Variants in CES1 observed in about 807,000 individuals in gnomAD.
CES1 encodes liver carboxylesterase 1.
Under a neutral mutation model 53.0 loss-of-function variants are expected in CES1, and 50 were observed. The observed-to-expected ratio is 0.94, with a 90% CI of 0.75 to 1.19. The LOEUF is 1.19. Ranked by LOEUF, CES1 falls within the 50% of genes most tolerant of loss-of-function variation. CES1 has a pLI of 0.00. For missense variants in CES1, 534 were observed against 538.0 expected, an observed-to-expected ratio of 0.99 and a Z score of 0.07; for synonymous variants, 202 against 210.1, an observed-to-expected ratio of 0.96 and a Z score of 0.33.
intron 2 of CES1, among the ~76,000 whole-genome samples, chr16:55,828,362 G>A (rs1178098124): frequency 6.6e-6 from 1 of 152,172 alleles, no homozygotes; most frequent in Non-Finnish European, 1.5e-5. Flanking sequence ...CAAGACAGCA[G>A]AATTCATGGG....
chr16:55,830,966 T>C (rs2032641378), intron 1 of CES1, among the ~76,000 whole-genome samples: 1 of 151,938 alleles, frequency 6.6e-6, no homozygotes, highest in Non-Finnish European at 1.5e-5. Context: ...TAATGCTGGA[T>C]CCCTGTTTAC....
chr16:55,820,048 C>T, intron 6 of CES1: 1 of 569,220 alleles, frequency 1.8e-6, no homozygotes, highest in East Asian at 3.0e-5. Context: ...CAACATGGCA[C>T]CAGGCCCTGG....
intron 7 of CES1, among the ~76,000 whole-genome samples, chr16:55,817,957 G>T (rs1453306249): frequency 6.6e-6 from 1 of 152,178 alleles, no homozygotes; most frequent in East Asian, 1.9e-4. Flanking sequence ...TGGAATATTT[G>T]CCTCCTTCCG....
At chr16:55,813,240 C>G (rs568257929) in intron 8 of CES1, among the ~76,000 whole-genome samples, 197 bp from the exon 9 acceptor site, 13 of 152,308 alleles carry the variant, frequency 8.5e-5, no homozygotes, top group African/African-American at 2.6e-4. Flanking sequence ...GCTGACACTG[C>G]TCAGGTGATG....
chr16:55,816,400 A>G (rs1470541132), intron 8 of CES1, among the ~76,000 whole-genome samples: 1 of 152,254 alleles, frequency 6.6e-6, no homozygotes, highest in Non-Finnish European at 1.5e-5. Flanking sequence ...CAGAGAGGAC[A>G]GGATTGTAAG....
chr16:55,819,846 T>C (rs578066323), intron 6 of CES1, among the ~76,000 whole-genome samples: 1 of 152,316 alleles, frequency 6.6e-6, no homozygotes, highest in East Asian at 1.9e-4. Context: ...AATTATGTAA[T>C]CTCTCATCTC....
intron 1 of CES1, among the ~76,000 whole-genome samples, chr16:55,830,129 A>G (rs1206678343): frequency 6.6e-6 from 1 of 152,254 alleles, no homozygotes; most frequent in Non-Finnish European, 1.5e-5. Flanking sequence ...AGAGCAGAAC[A>G]GAACAATTCA....
chr16:55,831,702 C>G (rs2032682545), intron 1 of CES1, among the ~76,000 whole-genome samples: 1 of 145,136 alleles, frequency 6.9e-6, no homozygotes, highest in Non-Finnish European at 1.5e-5. Flanking sequence ...TAGGCTTCCT[C>G]TCTTCTCTGC....
At chr16:55,820,575 A>C in intron 5 of CES1, 96 bp from the exon 6 acceptor site, 10 of 1,590,138 alleles carry the variant, frequency 6.3e-6, no homozygotes, top group Non-Finnish European at 7.7e-6. Flanking sequence ...CTATAAAACC[A>C]ACACGGGACT....
intron 1 of CES1, among the ~76,000 whole-genome samples, chr16:55,831,628 C>T (rs868716066): frequency 1.7e-4 from 26 of 150,028 alleles, no homozygotes; most frequent in Non-Finnish European, 2.5e-4. Context: ...TATGGTCTTC[C>T]TAAGGAAGGA....
rs1481423430 is a variant in CES1, at chr16:55,826,403, AG to A, written c.261-109del. Reference sequence around the variant, plus strand: ...GTTTAAGCCTGGAAATGGACTTGATAGTTACAGACTCACGACATTGTAGTGG... The same window carrying A: ...GTTTAAGCCTGGAAATGGACTTGATATTACAGACTCACGACATTGTAGTGG... On this transcript the variant is annotated intron_variant, in intron 2 of 13. Coordinates refer to ENST00000360526, the MANE Select transcript of CES1 (RefSeq NM_001025195.2). 2.2e-6 allele frequency: 3 copies of A among 1,350,282 alleles called. No individual in the cohort carries two copies. In the African/African-American group the frequency reaches 4.4e-5, roughly 20 times the overall value. The allele number at this position is 1,350,282 out of a possible 1,614,324, so 83.6% of individuals were successfully genotyped here.
intron 3 of CES1, among the ~76,000 whole-genome samples, chr16:55,824,999 T>C (rs2032361067): frequency 6.6e-6 from 1 of 152,178 alleles, no homozygotes; most frequent in Non-Finnish European, 1.5e-5. Flanking sequence ...TTCATCTTTG[T>C]GTGAAGACTG....
At chr16:55,827,129 A>AC (rs2032449441) in intron 2 of CES1, among the ~76,000 whole-genome samples, 1 of 152,032 alleles carries the variant, frequency 6.6e-6, no homozygotes, top group African/African-American at 2.4e-5. Context: ...GGCAGTCATC[A>AC]CCGCCCCCAC....
intron 1 of CES1, among the ~76,000 whole-genome samples, chr16:55,830,815 A>AAGGAAGGAAGGAAGGAAGGC (rs1567509472): frequency 1.6e-5 from 2 of 123,730 alleles, no homozygotes; most frequent in African/African-American, 7.8e-5. Flanking sequence ...GGAAGGAAGG[A>AAGGAAGGAAGGAAGGAAGGC]AGGAAGGCAG....
rs2031661872 is a variant in CES1 at position 55,810,919 on chromosome 16, ACT to A, written c.1170+6_1170+7del. On this transcript the variant is annotated splice_donor_region_variant and intron_variant, in intron 10 of 13. Coordinates refer to ENST00000360526, the MANE Select transcript of CES1 (RefSeq NM_001025195.2). ...CTCAGCCAATTCCCATGATTCCTAG[ACT>A]CTTACAACAAGGGGATAGGACTTCC... 4 of 1,610,676 alleles carry A rather than the reference ACT, an allele frequency of 2.5e-6. No homozygotes were observed. In the African/African-American group the frequency reaches 4.0e-5, roughly 16 times the overall value.
intron 8 of CES1, among the ~76,000 whole-genome samples, chr16:55,815,405 A>G (rs1397272687): frequency 6.6e-6 from 1 of 152,200 alleles, no homozygotes. Flanking sequence ...GAGAAGGTGA[A>G]GTAGAAGAGG....
At chr16:55,830,819 A>AAGGAAGGAACGAAGGCAGGCAGGCAGGC (rs1454708070) in intron 1 of CES1, among the ~76,000 whole-genome samples, 2 of 127,288 alleles carry the variant, frequency 1.6e-5, no homozygotes, top group African/African-American at 7.0e-5. Context: ...GGAAGGAAGG[A>AAGGAAGGAACGAAGGCAGGCAGGCAGGC]AGGCAGGCAG....
At chr16:55,808,511 T>A (rs558939412) in intron 11 of CES1, among the ~76,000 whole-genome samples, 1 of 152,240 alleles carries the variant, frequency 6.6e-6, no homozygotes, top group African/African-American at 2.4e-5. Context: ...GCATCCCAAA[T>A]GAGAAAGAGA....
chr16:55,820,538 T>C, intron 5 of CES1, 59 bp from the exon 6 acceptor site: 7 of 1,610,856 alleles, frequency 4.3e-6, no homozygotes, highest in Non-Finnish European at 5.9e-6. Flanking sequence ...AGTGACTCAC[T>C]CGCTATTCCA....
Sources: gnomAD v4.1 joint callset for allele counts (sites outside exome capture counted in the v4.1 genomes callset) on GRCh38, gnomAD v4.1.1 for gene constraint, MANE v1.5 for transcripts, NCBI Gene and HGNC (gene_info 2026-07-23, HGNC 2026-07-21) for gene names.